Variants in UBE2G1 observed in about 807,000 individuals in gnomAD.
UBE2G1 encodes the protein ubiquitin-conjugating enzyme E2 G1.
In UBE2G1, 5 loss-of-function variants were observed where a neutral mutation model predicts 22.7. The observed-to-expected ratio is 0.22, with a 90% confidence interval of 0.12 to 0.46. The LOEUF is 0.46. UBE2G1 is among the 20% of genes least tolerant of loss of function. UBE2G1 has a pLI of 0.99. For synonymous variants in UBE2G1, 74 were observed against 67.5 expected, an observed-to-expected ratio of 1.10 and a Z score of -0.47; for missense variants, 88 against 203.9, an observed-to-expected ratio of 0.43 and a Z score of 3.46.
chr17:4,337,415 G>A (rs1000238580), intron 1 of UBE2G1, among the ~76,000 whole-genome samples: 7 of 152,008 alleles, frequency 4.6e-5, no homozygotes, highest in African/African-American at 1.7e-4. Flanking sequence ...CACTTTGGGA[G>A]GTCGAGGCAG....
At chr17:4,319,871 G>A (rs1469761963) in intron 1 of UBE2G1, among the ~76,000 whole-genome samples, 1 of 152,084 alleles carries the variant, frequency 6.6e-6, no homozygotes, top group Middle Eastern at 3.2e-3. Flanking sequence ...AAAGAATTCA[G>A]TAACAGAAAA....
chr17:4,281,959 C>T (rs1050991196), intron 5 of UBE2G1, among the ~76,000 whole-genome samples: 1 of 150,774 alleles, frequency 6.6e-6, no homozygotes, highest in African/African-American at 2.5e-5. Flanking sequence ...TGCCTTCCAT[C>T]TTTGACTCCT....
At chr17:4,275,171 T>C (rs1968807293) in intron 5 of UBE2G1, among the ~76,000 whole-genome samples, 1 of 152,166 alleles carries the variant, frequency 6.6e-6, no homozygotes, top group Admixed American at 6.5e-5. Context: ...TAAACAGCAT[T>C]ACCCTTTTCA....
At chr17:4,358,180 A>G (rs952526870) in intron 1 of UBE2G1, among the ~76,000 whole-genome samples, 1 of 152,184 alleles carries the variant, frequency 6.6e-6, no homozygotes, top group South Asian at 2.1e-4. Flanking sequence ...TTCAATTTGC[A>G]TTTCCCTGAT....
chr17:4,313,141 A>G lies in UBE2G1; in HGVS notation c.47-6018T>C, dbSNP rs78301757. ...TCCAGACAGATTACAGATATAAACA[A>G]AGAGGTATAAAACCTAACTAAAAGA... On this transcript the variant is annotated intron_variant, in intron 1 of 5. Coordinates refer to ENST00000396981, the MANE Select transcript of UBE2G1 (RefSeq NM_003342.5). Among the ~76,000 whole-genome samples the G allele has an allele frequency of 4.9e-3, 754 of 152,360 alleles. 3 individuals carry two copies. The highest frequency in any genetic ancestry group is 7.3e-3 in the Non-Finnish European group (499 of 68,028).
intron 1 of UBE2G1, among the ~76,000 whole-genome samples, chr17:4,338,219 G>GA (rs536084639): frequency 8.0e-5 from 12 of 149,350 alleles, no homozygotes; most frequent in African/African-American, 2.5e-4. Flanking sequence ...GATGGGAGGG[G>GA]AAAAAAAACA....
intron 1 of UBE2G1, 114 bp from the exon 2 acceptor site, chr17:4,307,237 A>G: frequency 3.4e-6 from 3 of 879,296 alleles, no homozygotes; most frequent in Non-Finnish European, 5.3e-6. Context: ...CATTAAATAG[A>G]TATACCTTGC....
At chr17:4,280,626 A>G (rs2143679838) in intron 5 of UBE2G1, among the ~76,000 whole-genome samples, 1 of 148,120 alleles carries the variant, frequency 6.8e-6, no homozygotes, top group Non-Finnish European at 1.5e-5. Context: ...ATGAGCCACC[A>G]TGCCCGGCTG....
intron 1 of UBE2G1, among the ~76,000 whole-genome samples, chr17:4,330,718 C>T (rs1173391819): frequency 1.3e-5 from 2 of 150,936 alleles, no homozygotes; most frequent in African/African-American, 4.8e-5. Context: ...GCCTGGACAA[C>T]AAGAGTGAAA....
intron 2 of UBE2G1, among the ~76,000 whole-genome samples, chr17:4,299,225 G>T (rs1486002605): frequency 6.6e-6 from 1 of 152,000 alleles, no homozygotes; most frequent in African/African-American, 2.4e-5. Context: ...TCTAATTATG[G>T]GTTTGAAAGC....
chr17:4,299,732 T>C (rs562351015), intron 2 of UBE2G1, among the ~76,000 whole-genome samples: 2 of 152,254 alleles, frequency 1.3e-5, no homozygotes, highest in East Asian at 1.9e-4. Context: ...GAAGCAACCA[T>C]AGCATTTCTG....
intron 5 of UBE2G1, among the ~76,000 whole-genome samples, chr17:4,276,316 A>G (rs1968820795): frequency 6.6e-6 from 1 of 151,574 alleles, no homozygotes; most frequent in Non-Finnish European, 1.5e-5. Flanking sequence ...CTGGGATTAC[A>G]GTCGCACACC....
chr17:4,363,290 C>T (rs749787570), intron 1 of UBE2G1, among the ~76,000 whole-genome samples: 1 of 151,994 alleles, frequency 6.6e-6, no homozygotes, highest in African/African-American at 2.4e-5. Flanking sequence ...AAATTAAAAA[C>T]AATCCCATTG....
At chr17:4,356,049 T>TAAAAAA (rs746982860) in intron 1 of UBE2G1, among the ~76,000 whole-genome samples, 1 of 99,088 alleles carries the variant, frequency 1.0e-5, no homozygotes. Flanking sequence ...TGTTTCACTT[T>TAAAAAA]AAAAAAAAAA....
At chr17:4,310,994 T>C (rs1167474642) in intron 1 of UBE2G1, among the ~76,000 whole-genome samples, 1 of 152,136 alleles carries the variant, frequency 6.6e-6, no homozygotes, top group Admixed American at 6.5e-5. Context: ...GCAGATCGTT[T>C]GAGCCCAGGA....
chr17:4,286,828 G>A (rs1039685396), intron 4 of UBE2G1, among the ~76,000 whole-genome samples: 1 of 152,102 alleles, frequency 6.6e-6, no homozygotes, highest in African/African-American at 2.4e-5. Context: ...GATCATTTGA[G>A]GTCAGGAGTT....
intron 1 of UBE2G1, among the ~76,000 whole-genome samples, chr17:4,334,350 C>A (rs1406337417): frequency 6.6e-6 from 1 of 152,120 alleles, no homozygotes; most frequent in Non-Finnish European, 1.5e-5. Flanking sequence ...AATCAGATTT[C>A]TACTGTGTAC....
chr17:4,320,391 T>C (rs111498378), intron 1 of UBE2G1, among the ~76,000 whole-genome samples: 3,762 of 152,262 alleles, frequency 0.025, 148 homozygotes, highest in African/African-American at 0.086. Flanking sequence ...TTGCGATAAA[T>C]GTCTATCTAT....
intron 1 of UBE2G1, among the ~76,000 whole-genome samples, chr17:4,360,644 G>A: frequency 6.6e-6 from 1 of 152,256 alleles, no homozygotes; most frequent in East Asian, 1.9e-4. Flanking sequence ...CGGCGCAGTG[G>A]CTCACGCCTG....
Sources: gnomAD v4.1 joint callset for allele counts (sites outside exome capture counted in the v4.1 genomes callset) on GRCh38, gnomAD v4.1.1 for gene constraint, MANE v1.5 for transcripts, NCBI Gene and HGNC (gene_info 2026-07-23, HGNC 2026-07-21) for gene names.